SPTLC2: variants seen among roughly 807,000 people sequenced by gnomAD.
SPTLC2 encodes serine palmitoyltransferase long chain base subunit 2.
Under a neutral mutation model 62.0 loss-of-function variants are expected in SPTLC2, and 21 were observed. The observed-to-expected ratio is 0.34, with a 90% CI of 0.24 to 0.49. SPTLC2 has a LOEUF of 0.49. Among genes scored for constraint, SPTLC2 ranks in the 20% least tolerant of loss-of-function variants. SPTLC2 has a pLI of 0.99. For synonymous variants in SPTLC2, 261 were observed against 261.8 expected (o/e 1.00, Z 0.03); for missense variants, 511 against 713.0 (o/e 0.72, Z 3.23).
intron 2 of SPTLC2, among the ~76,000 whole-genome samples, chr14:77,583,588 T>C (rs756041537): frequency 8.5e-5 from 13 of 152,148 alleles, no homozygotes; most frequent in Non-Finnish European, 1.5e-4. Flanking sequence ...CTCTTCCTCC[T>C]CCTCAGTTTG....
At position 77,526,700 on chromosome 14, in the gene SPTLC2, TTA is replaced by T. The variant is rs200588060; in HGVS notation, c.1304-5121_1304-5120del. The stretch of plus-strand genomic sequence containing the variant: ...TGTAGATAACTTTAACAGGTCATTT[TTA>T]GTCTTCAACCTCTTTACAATAAATC... On this transcript the variant is annotated intron_variant, in intron 9 of 11. Coordinates refer to ENST00000216484, the MANE Select transcript of SPTLC2 (RefSeq NM_004863.4). Among the ~76,000 whole-genome samples, 561 of 152,344 alleles carry T rather than the reference TTA, an allele frequency of 3.7e-3. 4 individuals are homozygous for T. The highest frequency in any genetic ancestry group is 0.017 in the Admixed American group (258 of 15,294).
At chr14:77,576,150 T>G (rs531205834) in intron 4 of SPTLC2, among the ~76,000 whole-genome samples, 1 of 152,222 alleles carries the variant, frequency 6.6e-6, no homozygotes. Context: ...GTAATAAGTA[T>G]TTGGAAAGTT....
chr14:77,563,356 T>C (rs1320389160), intron 5 of SPTLC2, among the ~76,000 whole-genome samples: 2 of 152,316 alleles, frequency 1.3e-5, no homozygotes, highest in Admixed American at 1.3e-4. Flanking sequence ...TCCATGCTCA[T>C]GTCCTGCAGT....
Position 77,534,761 on chromosome 14 carries a change from T to C in SPTLC2, c.1304-13180A>G, listed in dbSNP as rs567116098. Among the ~76,000 whole-genome samples, 4 of 152,146 alleles carry C rather than the reference T, an allele frequency of 2.6e-5. No individual in the cohort carries two copies. In the South Asian group the frequency reaches 6.2e-4, roughly 24 times the overall value. On this transcript the variant is annotated intron_variant, in intron 9 of 11. Coordinates refer to ENST00000216484, the MANE Select transcript of SPTLC2 (RefSeq NM_004863.4). ...CATTAAAAAAACATATGCTGAGCAC[T>C]CATGATGCACCAGATATTGCTCTAG...
At chr14:77,591,966 C>T (rs2079820244) in intron 2 of SPTLC2, among the ~76,000 whole-genome samples, 2 of 151,906 alleles carry the variant, frequency 1.3e-5, no homozygotes, top group Admixed American at 6.6e-5. Flanking sequence ...TCAGGTGATC[C>T]GCCCGCCTTG....
chr14:77,520,556 C>T (rs542165977), intron 10 of SPTLC2, among the ~76,000 whole-genome samples: 157 of 152,264 alleles, frequency 1.0e-3, no homozygotes, highest in Non-Finnish European at 1.6e-3. Context: ...GCCTTTCTTA[C>T]TGAGCCTATA....
At chr14:77,564,475 G>A (rs1251980293) in intron 5 of SPTLC2, among the ~76,000 whole-genome samples, 15 of 147,042 alleles carry the variant, frequency 1.0e-4, no homozygotes, top group Non-Finnish European at 1.0e-4. Flanking sequence ...GCATGAGTTC[G>A]CATATATACA....
At chr14:77,601,335 G>A (rs1348656206) in intron 1 of SPTLC2, among the ~76,000 whole-genome samples, 2 of 152,094 alleles carry the variant, frequency 1.3e-5, no homozygotes, top group South Asian at 4.1e-4. Flanking sequence ...CCACCCTTAA[G>A]AAGGTTCTTT....
chr14:77,559,067 C>T (rs1196071052), intron 6 of SPTLC2, among the ~76,000 whole-genome samples: 2 of 152,256 alleles, frequency 1.3e-5, no homozygotes, highest in East Asian at 3.9e-4. Flanking sequence ...CGCCTGTAAT[C>T]TTAGCACTTT....
At chr14:77,589,761 T>C (rs1417407785) in intron 2 of SPTLC2, among the ~76,000 whole-genome samples, 2 of 150,476 alleles carry the variant, frequency 1.3e-5, no homozygotes, top group East Asian at 3.9e-4. Flanking sequence ...TTGCACTCCA[T>C]CCTGGGCGAC....
chr14:77,570,675 G>A (rs542968910), intron 4 of SPTLC2, among the ~76,000 whole-genome samples, 167 bp from the exon 5 acceptor site: 1 of 152,290 alleles, frequency 6.6e-6, no homozygotes, highest in South Asian at 2.1e-4. Context: ...ATTGTGAAGA[G>A]TAATATGTGC....
chr14:77,598,251 G>C (rs1483257823), intron 1 of SPTLC2, among the ~76,000 whole-genome samples: 1 of 152,036 alleles, frequency 6.6e-6, no homozygotes, highest in Non-Finnish European at 1.5e-5. Flanking sequence ...TAAAAGAAGG[G>C]GAGCAAGAAG....
At chr14:77,512,471 C>T in intron 11 of SPTLC2, 68 bp from the exon 12 acceptor site, 1 of 1,610,698 alleles carries the variant, frequency 6.2e-7, no homozygotes, top group South Asian at 1.1e-5. Flanking sequence ...TGGTGTTTTA[C>T]TTTGCTAAAA....
chr14:77,557,385 C>T, intron 6 of SPTLC2: 1 of 524,770 alleles, frequency 1.9e-6, no homozygotes, highest in South Asian at 2.2e-5. Context: ...TGGTGGCTAA[C>T]TCAGTTCATT....
chr14:77,558,808 G>A (rs1420247508), intron 6 of SPTLC2, among the ~76,000 whole-genome samples: 1 of 151,862 alleles, frequency 6.6e-6, no homozygotes, highest in East Asian at 1.9e-4. Flanking sequence ...TTTTAGTAGA[G>A]GTGGGGTTTC....
chr14:77,583,920 T>G (rs1046596246), intron 2 of SPTLC2, among the ~76,000 whole-genome samples: 1 of 152,104 alleles, frequency 6.6e-6, no homozygotes, highest in African/African-American at 2.4e-5. Context: ...TTCCTGAAGA[T>G]CCTCACAAAT....
chr14:77,551,896 A>G (rs1393867532), intron 9 of SPTLC2, among the ~76,000 whole-genome samples, 200 bp downstream of exon 9: 2 of 152,156 alleles, frequency 1.3e-5, no homozygotes, highest in Non-Finnish European at 2.9e-5. Context: ...TAAACAAGAA[A>G]ATTCCATAGA....
At chr14:77,578,806 C>A in intron 3 of SPTLC2, 149 bp downstream of exon 3, 3 of 770,554 alleles carry the variant, frequency 3.9e-6, no homozygotes, top group Non-Finnish European at 4.3e-6. Flanking sequence ...AAAAGCTCAA[C>A]AATGAAGAAT....
At chr14:77,532,517 G>T (rs570366332) in intron 9 of SPTLC2, among the ~76,000 whole-genome samples, 29 of 152,256 alleles carry the variant, frequency 1.9e-4, no homozygotes, top group African/African-American at 6.7e-4. Context: ...GGGCGCGGTG[G>T]CTCACACCTG....
Sources: allele counts gnomAD v4.1 joint callset (sites outside exome capture counted in the v4.1 genomes callset), GRCh38; gene constraint gnomAD v4.1.1; transcripts MANE v1.5; gene names NCBI Gene and HGNC (gene_info 2026-07-23, HGNC 2026-07-21).